Variants in CYRIA observed in about 807,000 individuals in gnomAD.
The protein encoded by CYRIA is CYFIP related Rac1 interactor A.
In CYRIA, 15 loss-of-function variants were observed where a neutral mutation model predicts 43.9. The ratio of observed to expected loss-of-function variants is 0.34; its 90% CI spans 0.23 to 0.53. CYRIA has a LOEUF of 0.53. Ranked by LOEUF, CYRIA falls within the 20% of genes least tolerant of loss-of-function variation. The pLI, the probability that CYRIA is intolerant of heterozygous loss-of-function variation, is 0.94. For synonymous variants in CYRIA, 117 were observed against 136.0 expected, an observed-to-expected ratio of 0.86 and a Z score of 0.97; for missense variants, 236 against 394.2, an observed-to-expected ratio of 0.60 and a Z score of 3.40.
At chr2:16,586,351 A>C (rs1420479701) in intron 3 of CYRIA, among the ~76,000 whole-genome samples, 1 of 152,172 alleles carries the variant, frequency 6.6e-6, no homozygotes, top group Non-Finnish European at 1.5e-5. Context: ...CATTTAAAAA[A>C]ATTAATAAAC....
chr2:16,563,349 TTC>T (rs1666818516), intron 5 of CYRIA, among the ~76,000 whole-genome samples: 1 of 152,148 alleles, frequency 6.6e-6, no homozygotes, highest in Non-Finnish European at 1.5e-5. Flanking sequence ...GTATTTCAAG[TTC>T]TCTGTTTTCC....
chr2:16,552,273 C>A lies in CYRIA; in HGVS notation c.*663G>T, dbSNP rs1013836468. 2.6e-5 allele frequency: 4 copies of A among 151,748 alleles called. No homozygotes were observed. The highest frequency in any genetic ancestry group is 2.6e-4 in the Admixed American group (4 of 15,196). 9.4% of individuals were successfully genotyped at this position (151,748 alleles called of 1,614,324 possible). On this transcript the variant is annotated 3_prime_UTR_variant, in exon 12 of 12. Transcript: ENST00000381323. Reference sequence around the variant, plus strand: ...GTGGCAACAGCACATCTATCTATTTCTGCTGCTCTCCCACTAACTGAAAAA... The same window carrying A: ...GTGGCAACAGCACATCTATCTATTTATGCTGCTCTCCCACTAACTGAAAAA...
chr2:16,587,929 C>T (rs1365462672), intron 3 of CYRIA, 121 bp downstream of exon 3: 2 of 646,078 alleles, frequency 3.1e-6, no homozygotes, highest in East Asian at 2.8e-5. Flanking sequence ...TGAGAACAGA[C>T]TAATACAGTG....
chr2:16,651,019 G>C (rs1669960470), intron 1 of CYRIA, among the ~76,000 whole-genome samples: 1 of 152,076 alleles, frequency 6.6e-6, no homozygotes, highest in Non-Finnish European at 1.5e-5. Flanking sequence ...CGCATTTCAG[G>C]CTCGCTCTAT....
chr2:16,565,684 G>A lies in CYRIA; in HGVS notation c.154C>T (p.Leu52=). 6.3e-7 allele frequency: 1 copy of A among 1,592,604 alleles called. No individual in the cohort carries two copies. The highest frequency in any genetic ancestry group is 1.7e-5 in the Admixed American group (1 of 59,658). Reference sequence around the variant, plus strand: ...GGGCCTGCGCCTTTGTAAGCCTGCAGGTCTGCAAGGATGCTCTCAGAATCC... The same window carrying A: ...GGGCCTGCGCCTTTGTAAGCCTGCAAGTCTGCAAGGATGCTCTCAGAATCC... ...LQDSESILAD[L]QAYKGAGPEI... Residue 52 remains leucine, a synonymous_variant, in exon 4 of 12, where the codon CTG becomes TTG. Coordinates refer to ENST00000381323, the MANE Select transcript of CYRIA (RefSeq NM_030797.4).
chr2:16,662,423 A>G (rs1373652557), intron 1 of CYRIA, among the ~76,000 whole-genome samples: 2 of 152,250 alleles, frequency 1.3e-5, no homozygotes, highest in Non-Finnish European at 2.9e-5. Context: ...CTCAGATGTA[A>G]GAATTGAGAC....
chr2:16,648,258 G>A (rs967287036), intron 1 of CYRIA, among the ~76,000 whole-genome samples: 2 of 151,478 alleles, frequency 1.3e-5, no homozygotes, highest in African/African-American at 4.9e-5. Context: ...GCCTTGGTTC[G>A]GTTGTTTGTA....
chr2:16,618,939 C>A (rs1364555333), intron 2 of CYRIA, among the ~76,000 whole-genome samples: 1 of 152,172 alleles, frequency 6.6e-6, no homozygotes, highest in Non-Finnish European at 1.5e-5. Flanking sequence ...GCCTGAAGCC[C>A]CATAGGCTTG....
chr2:16,648,600 G>T (rs1230144697), intron 1 of CYRIA, among the ~76,000 whole-genome samples: 6 of 152,192 alleles, frequency 3.9e-5, no homozygotes, highest in Admixed American at 2.6e-4. Flanking sequence ...TATCTCTCTA[G>T]CATGCAGCTG....
chr2:16,662,218 T>G (rs1056499192), intron 1 of CYRIA, among the ~76,000 whole-genome samples: 7 of 152,204 alleles, frequency 4.6e-5, no homozygotes, highest in African/African-American at 1.7e-4. Flanking sequence ...TGAATGGATC[T>G]CCAAAGGCTA....
At chr2:16,574,492 A>G (rs1313522282) in intron 3 of CYRIA, among the ~76,000 whole-genome samples, 1 of 152,242 alleles carries the variant, frequency 6.6e-6, no homozygotes, top group Non-Finnish European at 1.5e-5. Flanking sequence ...TCTCCAGGGT[A>G]TGTCAGAGAA....
intron 2 of CYRIA, among the ~76,000 whole-genome samples, chr2:16,608,224 G>T (rs187138599): frequency 1.2e-4 from 18 of 152,290 alleles, no homozygotes; most frequent in Admixed American, 5.2e-4. Flanking sequence ...ACTGAGCAGA[G>T]AAAACAGTCA....
intron 11 of CYRIA, 103 bp downstream of exon 11, chr2:16,554,966 T>C (rs1033540924): frequency 1.4e-6 from 1 of 739,372 alleles, no homozygotes. Flanking sequence ...TGTGTTAAAA[T>C]ATGCAAGGGT....
chr2:16,623,312 G>A (rs977659595), intron 2 of CYRIA, among the ~76,000 whole-genome samples: 29 of 152,244 alleles, frequency 1.9e-4, no homozygotes, highest in Non-Finnish European at 3.7e-4. Context: ...AAGTGACTGG[G>A]AGGAGGGGAG....
chr2:16,577,609 T>C (rs527562972), intron 3 of CYRIA, among the ~76,000 whole-genome samples: 3 of 152,274 alleles, frequency 2.0e-5, no homozygotes, highest in East Asian at 3.9e-4. Context: ...CTGCCATAAA[T>C]GCAGGTAACA....
At chr2:16,602,188 C>G (rs1002922813) in intron 2 of CYRIA, among the ~76,000 whole-genome samples, 2 of 152,196 alleles carry the variant, frequency 1.3e-5, no homozygotes, top group African/African-American at 2.4e-5. Flanking sequence ...TAATACTCAT[C>G]TCTAACAGAT....
intron 2 of CYRIA, among the ~76,000 whole-genome samples, chr2:16,615,603 T>G (rs997634671): frequency 6.6e-6 from 1 of 152,168 alleles, no homozygotes; most frequent in Non-Finnish European, 1.5e-5. Flanking sequence ...TTTCTTCACC[T>G]GCAAATGAGA....
chr2:16,614,585 G>C (rs1558427455), intron 2 of CYRIA, among the ~76,000 whole-genome samples: 1 of 152,062 alleles, frequency 6.6e-6, no homozygotes, highest in Non-Finnish European at 1.5e-5. Context: ...GCACTGTTTG[G>C]GCTATTTCTT....
chr2:16,560,946 C>T (rs767767877), intron 9 of CYRIA, 44 bp downstream of exon 9: 24 of 1,514,514 alleles, frequency 1.6e-5, no homozygotes, highest in Non-Finnish European at 2.2e-5. Flanking sequence ...CAGACACTGG[C>T]TGGGTGAAGT....
Sources: gnomAD v4.1 joint callset for allele counts (sites outside exome capture counted in the v4.1 genomes callset) on GRCh38, gnomAD v4.1.1 for gene constraint, MANE v1.5 for transcripts, NCBI Gene and HGNC (gene_info 2026-07-23, HGNC 2026-07-21) for gene names.